The following INPP4B variants were observed in gnomAD, a reference collection of about 807,000 sequenced individuals.
INPP4B encodes the protein inositol polyphosphate 4-phosphatase type II.
INPP4B carries 55 observed loss-of-function variants against 122.5 expected under a neutral mutation model. The ratio of observed to expected loss-of-function variants is 0.45; its 90% CI spans 0.36 to 0.56. The LOEUF (loss-of-function observed/expected upper bound fraction) is 0.56, where lower values mean the gene tolerates loss of function less well. Among genes scored for constraint, INPP4B ranks in the 20% least tolerant of loss-of-function variants. The pLI, the probability that INPP4B is intolerant of heterozygous loss-of-function variation, is 0.00. For synonymous variants in INPP4B, 403 were observed against 388.7 expected (o/e 1.04, Z -0.43); for missense variants, 1,000 against 1,097.7 (o/e 0.91, Z 1.26).
At chr4:142,726,025 C>T (rs931292948) in intron 1 of INPP4B, 124 bp from the exon 2 acceptor site, 6 of 385,930 alleles carry the variant, frequency 1.6e-5, no homozygotes, top group Non-Finnish European at 1.4e-5. Flanking sequence ...AAATATTCAG[C>T]TCCATTCAGC....
chr4:142,113,215 C>T (rs1429215471), intron 21 of INPP4B, among the ~76,000 whole-genome samples: 1 of 151,946 alleles, frequency 6.6e-6, no homozygotes, highest in Non-Finnish European at 1.5e-5. Flanking sequence ...GAAACATTAA[C>T]ATATCACAGG....
intron 2 of INPP4B, among the ~76,000 whole-genome samples, chr4:142,600,728 A>T (rs1348995589): frequency 6.6e-6 from 1 of 152,168 alleles, no homozygotes; most frequent in Non-Finnish European, 1.5e-5. Flanking sequence ...AATTGATTAA[A>T]CTTTCAACTG....
chr4:142,128,254 A>G (rs1799539867), intron 18 of INPP4B, among the ~76,000 whole-genome samples: 1 of 151,626 alleles, frequency 6.6e-6, no homozygotes, highest in African/African-American at 2.4e-5. Context: ...ACGTGTGTGC[A>G]CACACACATA....
chr4:142,470,483 A>T (rs1375483645), intron 2 of INPP4B, among the ~76,000 whole-genome samples: 1 of 152,176 alleles, frequency 6.6e-6, no homozygotes, highest in East Asian at 1.9e-4. Context: ...AGTATTTTCT[A>T]AGAACTCTAA....
At chr4:142,101,296 G>A (rs1026858571) in intron 23 of INPP4B, among the ~76,000 whole-genome samples, 3 of 151,882 alleles carry the variant, frequency 2.0e-5, no homozygotes, top group African/African-American at 4.8e-5. Context: ...TTTGTTTATG[G>A]AGCATTGCCC....
chr4:142,835,558 A>G (rs763376002), intron 1 of INPP4B, among the ~76,000 whole-genome samples: 1 of 152,192 alleles, frequency 6.6e-6, no homozygotes, highest in Non-Finnish European at 1.5e-5. Flanking sequence ...GTTTCAGGCT[A>G]GATATCCAAC....
chr4:142,596,609 T>C (rs1738763668), intron 2 of INPP4B, among the ~76,000 whole-genome samples: 1 of 152,206 alleles, frequency 6.6e-6, no homozygotes, highest in Non-Finnish European at 1.5e-5. Context: ...ATAAACAATG[T>C]TTAAAATTGC....
chr4:142,774,668 G>A (rs893525862), intron 1 of INPP4B, among the ~76,000 whole-genome samples: 12 of 151,912 alleles, frequency 7.9e-5, no homozygotes, highest in African/African-American at 2.7e-4. Context: ...AGTTACCAGA[G>A]TTATTTATTG....
chr4:142,411,666 C>T (rs186359681), intron 5 of INPP4B, among the ~76,000 whole-genome samples: 6 of 152,204 alleles, frequency 3.9e-5, no homozygotes, highest in South Asian at 4.1e-4. Context: ...CCCAGGCAGG[C>T]GGATCACTTG....
At chr4:142,037,003 A>T (rs1447253386) in intron 25 of INPP4B, among the ~76,000 whole-genome samples, 2 of 152,170 alleles carry the variant, frequency 1.3e-5, no homozygotes, top group South Asian at 2.1e-4. Flanking sequence ...TCACTAGGAG[A>T]TTATGACAAA....
chr4:142,629,302 T>A (rs747903834), intron 2 of INPP4B, among the ~76,000 whole-genome samples: 6 of 152,128 alleles, frequency 3.9e-5, no homozygotes, highest in Non-Finnish European at 4.4e-5. Context: ...GATTATGGAT[T>A]GTTTTAGGTG....
At chr4:142,564,295 A>G (rs1176223163) in intron 2 of INPP4B, among the ~76,000 whole-genome samples, 2 of 152,144 alleles carry the variant, frequency 1.3e-5, no homozygotes, top group Non-Finnish European at 2.9e-5. Flanking sequence ...CTTAAAATAG[A>G]TTGATGAGTG....
At chr4:142,666,776 C>G (rs986909372) in intron 2 of INPP4B, among the ~76,000 whole-genome samples, 2 of 152,088 alleles carry the variant, frequency 1.3e-5, no homozygotes, top group Non-Finnish European at 2.9e-5. Flanking sequence ...ATCTATCAAC[C>G]TTTTAATTTG....
intron 12 of INPP4B, among the ~76,000 whole-genome samples, chr4:142,216,465 A>G (rs1342979840): frequency 6.6e-6 from 1 of 152,238 alleles, no homozygotes; most frequent in East Asian, 1.9e-4. Flanking sequence ...AAGGAGACAT[A>G]TAATTGCTAA....
At chr4:142,179,472 CAA>C (rs71586262) in intron 15 of INPP4B, among the ~76,000 whole-genome samples, 7 of 73,096 alleles carry the variant, frequency 9.6e-5, no homozygotes, top group African/African-American at 3.1e-4. Flanking sequence ...AACTCCATCT[CAA>C]AAAAAAAAAA....
intron 14 of INPP4B, among the ~76,000 whole-genome samples, chr4:142,197,656 T>C (rs1024770670): frequency 6.6e-6 from 1 of 152,128 alleles, no homozygotes. Flanking sequence ...TATAGTAAGA[T>C]CACAATAAAA....
chr4:142,788,303 G>A (rs547586482), intron 1 of INPP4B, among the ~76,000 whole-genome samples: 2 of 152,020 alleles, frequency 1.3e-5, no homozygotes, highest in Non-Finnish European at 2.9e-5. Context: ...AAAAGTATAA[G>A]ATTAAAAAAT....
intron 12 of INPP4B, among the ~76,000 whole-genome samples, chr4:142,225,434 G>A (rs1317676781): frequency 6.6e-6 from 1 of 151,736 alleles, no homozygotes; most frequent in Non-Finnish European, 1.5e-5. Flanking sequence ...GATCATGTGA[G>A]TCGATTCTCC....
At chr4:142,352,647 A>G (rs1782292858) in intron 7 of INPP4B, among the ~76,000 whole-genome samples, 1 of 151,968 alleles carries the variant, frequency 6.6e-6, no homozygotes, top group South Asian at 2.1e-4. Flanking sequence ...CTAACAGAGA[A>G]CAAAGTAAGA....
Sources: gnomAD v4.1 joint callset for allele counts (sites outside exome capture counted in the v4.1 genomes callset) on GRCh38, gnomAD v4.1.1 for gene constraint, MANE v1.5 for transcripts, NCBI Gene and HGNC (gene_info 2026-07-23, HGNC 2026-07-21) for gene names.